Variants in PROSER2 observed in about 807,000 individuals in gnomAD.
The protein encoded by PROSER2 is proline and serine rich 2.
In PROSER2, 18 loss-of-function variants were observed where a neutral mutation model predicts 14.6. That is an observed-to-expected ratio of 1.23 (90% CI 0.85 to 1.83). The LOEUF is 1.83. Ranked by LOEUF, PROSER2 falls within the 40% of genes most tolerant of loss-of-function variation. PROSER2 has a pLI of 0.00. For missense variants in PROSER2, 823 were observed against 629.8 expected (o/e 1.31, Z -3.28); for synonymous variants, 367 against 286.4 (o/e 1.28, Z -2.84).
chr10:11,843,626 C>T (rs1833882794), intron 1 of PROSER2, among the ~76,000 whole-genome samples: 1 of 150,846 alleles, frequency 6.6e-6, no homozygotes. Context: ...GCAGAGGTTG[C>T]AGTGAGCCGA....
chr10:11,870,380 C>T lies in PROSER2; in HGVS notation c.1282C>T (p.Leu428=). The T allele has an allele frequency of 6.6e-7, 1 of 1,506,806 alleles. No homozygotes were observed. Among genetic ancestry groups the T allele is most frequent in the Non-Finnish European group, 8.9e-7 (1 of 1,129,402 alleles). The allele number at this position is 1,506,806 out of a possible 1,614,324, so 93.3% of individuals were successfully genotyped here. A position where few individuals can be genotyped will look rare whatever the true frequency, so the allele number is the denominator to read the frequency against. Residue 428 remains leucine (L), a synonymous_variant, in exon 4 of 4, where the codon CTG becomes TTG. Transcript: ENST00000277570. ...EEARREALRK[L]GLLRESS is the part of the protein sequence containing the mutation. The stretch of plus-strand genomic sequence containing the variant: ...GGCGCGCAGGGAGGCCCTGCGGAAG[C>T]TGGGGCTGCTCAGGGAGAGTTCGTG...
At chr10:11,832,592 C>T (rs776947870) in intron 1 of PROSER2, among the ~76,000 whole-genome samples, 2 of 152,100 alleles carry the variant, frequency 1.3e-5, no homozygotes, top group Non-Finnish European at 2.9e-5. Context: ...CTGGGTTAAA[C>T]GTCCTTTCTA....
Position 11,870,762 on chromosome 10 carries a change from T to A in PROSER2, c.*356T>A. 4.8e-6 allele frequency: 1 copy of A among 210,410 alleles called. No individual in the cohort carries two copies. The highest frequency in any genetic ancestry group is 1.0e-5 in the Non-Finnish European group (1 of 96,810). 13.0% of individuals were successfully genotyped at this position (210,410 alleles called of 1,614,324 possible). A position where few individuals can be genotyped will look rare whatever the true frequency, so the allele number is the denominator to read the frequency against. ...GTAGGACTGGTCTGATTATCATTCT[T>A]GAGTCTCATCTACCCTCTTCTCGAA... On this transcript the variant is annotated 3_prime_UTR_variant, in exon 4 of 4. Coordinates refer to ENST00000277570, the MANE Select transcript of PROSER2 (RefSeq NM_153256.4).
At position 11,869,379 on chromosome 10, in the gene PROSER2, G is replaced by A. The variant is rs371273507; in HGVS notation, c.392-111G>A. ...GAGTTGACTCACAGGCAGCACCGGC[G>A]AAGTTGGTGTCAGGTCCAGGTTGAG... On this transcript the variant is annotated intron_variant, in intron 3 of 3. Transcript: ENST00000277570. The surrounding 1 kb of genome is among the most constrained non-coding windows in gnomAD (Gnocchi z 4.4). 15 of 747,876 alleles carry A rather than the reference G, an allele frequency of 2.0e-5. No homozygotes were observed. The highest frequency in any genetic ancestry group is 1.7e-4 in the African/African-American group (10 of 57,346). The allele number at this position is 747,876 out of a possible 1,614,324, so 46.3% of individuals were successfully genotyped here. A position where few individuals can be genotyped will look rare whatever the true frequency, so the allele number is the denominator to read the frequency against.
chr10:11,859,118 G>A (rs1261782362), intron 2 of PROSER2, among the ~76,000 whole-genome samples: 1 of 150,832 alleles, frequency 6.6e-6, no homozygotes, highest in Non-Finnish European at 1.5e-5. Context: ...ATCCAAACTG[G>A]TACATTAAAA....
At chr10:11,850,709 G>A (rs887025044) in intron 1 of PROSER2, 1 of 152,224 alleles carries the variant, frequency 6.6e-6, no homozygotes, top group Admixed American at 6.5e-5. Flanking sequence ...AGAGATGTCT[G>A]TAAGGTGTTT....
In PROSER2 at chr10:11,870,512, G is replaced by GCAGGGGCTCCCGCTGTC; in HGVS notation, c.*106_*107insCAGGGGCTCCCGCTGTC. ...TGGTCTAAAATGGAAGTGACAGCGG[G>GCAGGGGCTCCCGCTGTC]AGCCCCTGCCCTCTGTGGCACATCG... is the stretch of plus-strand genomic sequence containing the variant. On this transcript the variant is annotated 3_prime_UTR_variant, in exon 4 of 4. Coordinates refer to ENST00000277570, the MANE Select transcript of PROSER2 (RefSeq NM_153256.4). 1 of 1,014,862 alleles carries GCAGGGGCTCCCGCTGTC rather than the reference G, an allele frequency of 9.9e-7. No individual in the cohort carries two copies. Among genetic ancestry groups the GCAGGGGCTCCCGCTGTC allele is most frequent in the Non-Finnish European group, 1.4e-6 (1 of 737,838 alleles). 62.9% of individuals were successfully genotyped at this position (1,014,862 alleles called of 1,614,324 possible). A position where few individuals can be genotyped will look rare whatever the true frequency, so the allele number is the denominator to read the frequency against.
chr10:11,832,606 C>T (rs1833702709), intron 1 of PROSER2, among the ~76,000 whole-genome samples: 1 of 152,124 alleles, frequency 6.6e-6, no homozygotes, highest in South Asian at 2.1e-4. Context: ...CTTTCTACTG[C>T]TGTGTGTTTA....
At chr10:11,839,697 C>A (rs953831451) in intron 1 of PROSER2, among the ~76,000 whole-genome samples, 9 of 151,502 alleles carry the variant, frequency 5.9e-5, no homozygotes, top group African/African-American at 2.2e-4. Context: ...TGGTGGGGGG[C>A]ACCTGTAATC....
chr10:11,856,982 T>C lies in PROSER2; in HGVS notation c.138+4767T>C, dbSNP rs1470776738. ...CCTTCTCACCCAGCTGGAATCCAAA[T>C]GGTCCTGGTCAAACAGCTGCTTTAA... On this transcript the variant is annotated intron_variant, in intron 2 of 3. Coordinates refer to ENST00000277570, the MANE Select transcript of PROSER2 (RefSeq NM_153256.4). The surrounding 1 kb of genome is among the most constrained non-coding windows in gnomAD (Gnocchi z 5.3). 1.9e-4 allele frequency among the ~76,000 whole-genome samples: 29 copies of C among 152,222 alleles called. 1 individual carries two copies. The highest frequency in any genetic ancestry group is 1.8e-3 in the Admixed American group (28 of 15,286).
intron 1 of PROSER2, among the ~76,000 whole-genome samples, chr10:11,828,881 C>T (rs1047748306): frequency 3.3e-5 from 5 of 152,016 alleles, no homozygotes; most frequent in African/African-American, 1.2e-4. Context: ...AACAGAGACC[C>T]ACAGGTGTTT....
chr10:11,844,252 A>G (rs907694737), intron 1 of PROSER2, among the ~76,000 whole-genome samples: 1 of 152,112 alleles, frequency 6.6e-6, no homozygotes, highest in Non-Finnish European at 1.5e-5. Context: ...CAGCCTCCCA[A>G]AGCACTGGGA....
In PROSER2 at chr10:11,871,744, C is replaced by T. The variant is rs548267129; in HGVS notation, c.*1338C>T. ...GAAGGGCTGCCCTGAGCAGTGACACCTTTGTGTTTTTATGTCTCCGCCAGC... is the reference window on the plus strand; with the variant it reads ...GAAGGGCTGCCCTGAGCAGTGACACTTTTGTGTTTTTATGTCTCCGCCAGC... On this transcript the variant is annotated 3_prime_UTR_variant, in exon 4 of 4. Transcript: ENST00000277570. 1 of 152,196 alleles carries T rather than the reference C, an allele frequency of 6.6e-6. No homozygotes were observed. The highest frequency in any genetic ancestry group is 1.5e-5 in the Non-Finnish European group (1 of 68,038). 9.4% of individuals were successfully genotyped at this position (152,196 alleles called of 1,614,324 possible).
intron 1 of PROSER2, among the ~76,000 whole-genome samples, chr10:11,843,847 A>G (rs1833885433): frequency 6.6e-6 from 1 of 151,914 alleles, no homozygotes; most frequent in Admixed American, 6.6e-5. Flanking sequence ...GTGAAACTCC[A>G]TCTCAAAAAA....
intron 2 of PROSER2, among the ~76,000 whole-genome samples, chr10:11,861,081 G>A (rs1834228152): frequency 6.6e-6 from 1 of 152,202 alleles, no homozygotes; most frequent in Non-Finnish European, 1.5e-5. Context: ...ACTCCAGCCT[G>A]GGCGACAGAG....
At chr10:11,851,601 A>G (rs1834017932) in intron 1 of PROSER2, 1 of 152,258 alleles carries the variant, frequency 6.6e-6, no homozygotes, top group African/African-American at 2.4e-5. Context: ...TCCAGCAGCA[A>G]AGTCATCTTG....
chr10:11,824,027 A>C (rs1833578245), intron 1 of PROSER2, among the ~76,000 whole-genome samples: 3 of 152,260 alleles, frequency 2.0e-5, no homozygotes, highest in Admixed American at 2.0e-4. Flanking sequence ...CCGTGTGATG[A>C]AATTGAACAA....
chr10:11,833,643 A>T (rs1833718454), intron 1 of PROSER2, among the ~76,000 whole-genome samples: 2 of 152,052 alleles, frequency 1.3e-5, no homozygotes, highest in Non-Finnish European at 2.9e-5. Context: ...GTGAGCCGAG[A>T]TCATGCCATT....
In PROSER2 at chr10:11,830,238, T is replaced by C. The variant is rs970858786; in HGVS notation, c.-82+6768T>C. Among the ~76,000 whole-genome samples the C allele has an allele frequency of 1.3e-5, 2 of 152,208 alleles. No individual in the cohort carries two copies. The highest frequency in any genetic ancestry group is 2.9e-5 in the Non-Finnish European group (2 of 68,032). ...CATTATTTCACTCTGTGCATTTATG[T>C]GGACCCATCGTTTAGTTCCCACTTG... On this transcript the variant is annotated intron_variant, in intron 1 of 3. Transcript: ENST00000277570. This position sits in a 1 kb window ranked among gnomAD's most constrained non-coding sequence, Gnocchi z 4.5.
Sources: gnomAD v4.1 joint callset for allele counts (sites outside exome capture counted in the v4.1 genomes callset) on GRCh38, gnomAD v4.1.1 for gene constraint, Gnocchi (gnomAD v3.1) non-coding constraint, MANE v1.5 for transcripts, NCBI Gene and HGNC (gene_info 2026-07-23, HGNC 2026-07-21) for gene names.